Variants in CCSAP observed in about 807,000 individuals in gnomAD.
CCSAP encodes centriole, cilia and spindle associated protein.
Under a neutral mutation model 25.9 loss-of-function variants are expected in CCSAP, and 17 were observed. The observed-to-expected ratio is 0.66, with a 90% CI of 0.45 to 0.99. The LOEUF (loss-of-function observed/expected upper bound fraction) is 0.99. CCSAP is among the 50% of genes least tolerant of loss of function. The pLI, the probability that CCSAP is intolerant of heterozygous loss-of-function variation, is 0.00. For missense variants in CCSAP, 339 were observed against 367.8 expected, an observed-to-expected ratio of 0.92 and a Z score of 0.64; for synonymous variants, 169 against 157.1, an observed-to-expected ratio of 1.08 and a Z score of -0.57.
At chr1:229,337,743 G>A (rs1658230158) in intron 2 of CCSAP, among the ~76,000 whole-genome samples, 1 of 133,794 alleles carries the variant, frequency 7.5e-6, no homozygotes, top group Admixed American at 7.9e-5. Context: ...GTGTGTGCGT[G>A]TCTCCAAGGG....
intron 2 of CCSAP, among the ~76,000 whole-genome samples, chr1:229,334,324 G>A (rs773956636): frequency 1.6e-4 from 25 of 152,284 alleles, no homozygotes; most frequent in Non-Finnish European, 2.5e-4. Context: ...ATTTCCTTAC[G>A]TGGATACTAT....
At chr1:229,327,693 C>T (rs923282170) in intron 2 of CCSAP, 1 of 411,126 alleles carries the variant, frequency 2.4e-6, no homozygotes, top group African/African-American at 2.1e-5. Flanking sequence ...CATGGTGAAA[C>T]CCCGTCTCTA....
At chr1:229,332,539 A>G (rs1658094109) in intron 2 of CCSAP, among the ~76,000 whole-genome samples, 2 of 152,166 alleles carry the variant, frequency 1.3e-5, no homozygotes, top group Admixed American at 6.5e-5. Context: ...AATAGTTTAA[A>G]ATAAAGACTT....
At chr1:229,332,690 A>G (rs1251511632) in intron 2 of CCSAP, among the ~76,000 whole-genome samples, 2 of 152,174 alleles carry the variant, frequency 1.3e-5, no homozygotes, top group East Asian at 3.8e-4. Context: ...GCCATGAACC[A>G]CACGTGGTTA....
chr1:229,342,560 G>C lies in CCSAP; in HGVS notation c.-48-47C>G, dbSNP rs1407789831. On this transcript the variant is annotated intron_variant, in intron 1 of 3. Transcript: ENST00000284617. This position sits in a 1 kb window ranked among gnomAD's most constrained non-coding sequence, Gnocchi z 7.5. ...ACAGAGGCCGCCCCGCCCCTCCGCC[G>C]GCCCTGCCCGCCGCGACGTTTAAAC... 1.2e-6 allele frequency: 1 copy of C among 843,268 alleles called. No homozygotes were observed. 52.2% of individuals were successfully genotyped at this position (843,268 alleles called of 1,614,324 possible).
In CCSAP at chr1:229,327,082, AATC is replaced by A. The variant is rs767286055; in HGVS notation, c.368-79_368-77del. The A allele has an allele frequency of 1.7e-4, 216 of 1,237,880 alleles. 1 individual carries two copies. Among genetic ancestry groups the A allele is most frequent in the Non-Finnish European group, 2.3e-4 (213 of 911,478 alleles). 76.7% of individuals were successfully genotyped at this position (1,237,880 alleles called of 1,614,324 possible). A position where few individuals can be genotyped will look rare whatever the true frequency, so the allele number is the denominator to read the frequency against. On this transcript the variant is annotated intron_variant, in intron 2 of 3. Transcript: ENST00000284617. ...TATAATTAAAATATTTATGTTGAAA[AATC>A]ATAATGCTTAAGACAGTAACATTTT...
At position 229,324,945 on chromosome 1, in the gene CCSAP, C is replaced by T; in HGVS notation, c.*290G>A. The T allele has an allele frequency of 4.0e-6, 1 of 252,966 alleles. No individual in the cohort carries two copies. Among genetic ancestry groups the T allele is most frequent in the South Asian group, 6.8e-5 (1 of 14,634 alleles). 15.7% of individuals were successfully genotyped at this position (252,966 alleles called of 1,614,324 possible). A position where few individuals can be genotyped will look rare whatever the true frequency, so the allele number is the denominator to read the frequency against. ...ATTTAAAGGCATTTGGTGTCAGTAT[C>T]TTAAAAGATTAAGATGCTTTAAAAC... On this transcript the variant is annotated 3_prime_UTR_variant, in exon 4 of 4. Transcript: ENST00000284617.
At chr1:229,331,787 T>TTTATTATTATTATTATTATTA in intron 2 of CCSAP, among the ~76,000 whole-genome samples, 1 of 140,636 alleles carries the variant, frequency 7.1e-6, no homozygotes, top group East Asian at 2.1e-4. Context: ...CTAATATCCT[T>TTTATTATTATTATTATTATTA]TTATTATTAT....
intron 2 of CCSAP, among the ~76,000 whole-genome samples, chr1:229,333,307 C>T (rs189862073): frequency 2.0e-5 from 3 of 152,028 alleles, no homozygotes; most frequent in East Asian, 1.9e-4. Context: ...GTGTCAGGTG[C>T]CTGTAGTCCC....
At chr1:229,325,508 G>T in intron 3 of CCSAP, 97 bp from the exon 4 acceptor site, 1 of 1,111,788 alleles carries the variant, frequency 9.0e-7, no homozygotes. Context: ...CAGGTCAACT[G>T]CAGCAGGGCA....
At chr1:229,335,051 C>T (rs990347584) in intron 2 of CCSAP, among the ~76,000 whole-genome samples, 3 of 152,148 alleles carry the variant, frequency 2.0e-5, no homozygotes, top group African/African-American at 4.8e-5. Flanking sequence ...TGGTGGCTCA[C>T]GTCTATCATC....
intron 2 of CCSAP, 108 bp downstream of exon 2, chr1:229,341,991 G>A (rs1658343146): frequency 5.0e-6 from 6 of 1,195,586 alleles, no homozygotes; most frequent in East Asian, 3.2e-5. Flanking sequence ...AAAAAAAAAA[G>A]GAAGAGCCAG....
chr1:229,342,202 C>A lies in CCSAP; in HGVS notation c.264G>T (p.Ala88=). 1.6e-6 allele frequency: 2 copies of A among 1,260,920 alleles called. No homozygotes were observed. The highest frequency in any genetic ancestry group is 3.1e-5 in the South Asian group (1 of 32,322). 78.1% of individuals were successfully genotyped at this position (1,260,920 alleles called of 1,614,324 possible). ...PPSPPPPVEP[A]TQEEAERRAR... ...CCCGCCGTTCCGCCTCCTCCTGGGT[C>A]GCCGGCTCTACGGGCGGCGGGGGCG... The change falls in exon 2 of 4, where the codon GCG becomes GCT. Residue 88 remains alanine (A), a synonymous_variant. Transcript: ENST00000284617. The surrounding 1 kb of genome is among the most constrained non-coding windows in gnomAD (Gnocchi z 7.5).
intron 2 of CCSAP, among the ~76,000 whole-genome samples, chr1:229,330,997 A>C (rs1031241633): frequency 1.3e-5 from 2 of 152,126 alleles, no homozygotes; most frequent in Non-Finnish European, 2.9e-5. Flanking sequence ...AGGACTGAAC[A>C]GAGTGGAGCC....
intron 2 of CCSAP, among the ~76,000 whole-genome samples, chr1:229,327,982 G>A (rs1657987837): frequency 6.6e-6 from 1 of 152,174 alleles, no homozygotes; most frequent in Non-Finnish European, 1.5e-5. Context: ...TAAATTCTGG[G>A]GAACCCCCGG....
rs993495565 is a variant in CCSAP at position 229,327,117 on chromosome 1, T to C, written c.368-111A>G. 6.8e-6 allele frequency: 6 copies of C among 879,048 alleles called. No homozygotes were observed. The East Asian group carries it at 8.3e-5, about 12-fold the overall frequency. 54.5% of individuals were successfully genotyped at this position (879,048 alleles called of 1,614,324 possible). ...CTTAAGACAGTAACATTTTCACTTA[T>C]GGCTCAACTCATACGATCCACTTAA... On this transcript the variant is annotated intron_variant, in intron 2 of 3. Coordinates refer to ENST00000284617, the MANE Select transcript of CCSAP (RefSeq NM_145257.5).
Position 229,342,330 on chromosome 1 carries a change from G to T in CCSAP, c.136C>A (p.Pro46Thr). 1 of 1,500,092 alleles carries T rather than the reference G, an allele frequency of 6.7e-7. No homozygotes were observed. The highest frequency in any genetic ancestry group is 8.9e-7 in the Non-Finnish European group (1 of 1,126,988). The allele number at this position is 1,500,092 out of a possible 1,614,324, so 92.9% of individuals were successfully genotyped here. The change falls in exon 2 of 4, where the codon CCC (proline) becomes ACC (threonine). Residue 46 changes from proline to threonine, a missense_variant. Transcript: ENST00000284617. The surrounding 1 kb of genome is among the most constrained non-coding windows in gnomAD (Gnocchi z 7.5). Reference protein sequence around the residue: ...GRRLLEQAHAPWLWDDWGPAG... With the variant: ...GRRLLEQAHATWLWDDWGPAG... ...GGGCCCCAGTCGTCCCAGAGCCAGG[G>T]CGCGTGCGCCTGCTCCAGCAGCCGG...
rs917077355 is a variant in CCSAP, at chr1:229,325,167, G to A, written c.*68C>T. On this transcript the variant is annotated 3_prime_UTR_variant, in exon 4 of 4. Coordinates refer to ENST00000284617, the MANE Select transcript of CCSAP (RefSeq NM_145257.5). ...AAACCTGTGTCCGTTTCTTTTGATGGTTTTTGTTTTGTTTTTCCTTTCAGT... is the reference window on the plus strand; with the variant it reads ...AAACCTGTGTCCGTTTCTTTTGATGATTTTTGTTTTGTTTTTCCTTTCAGT... 2 of 1,445,314 alleles carry A rather than the reference G, an allele frequency of 1.4e-6. No homozygotes were observed. The highest frequency in any genetic ancestry group is 2.9e-5 in the African/African-American group (2 of 70,156). 89.5% of individuals were successfully genotyped at this position (1,445,314 alleles called of 1,614,324 possible). A position where few individuals can be genotyped will look rare whatever the true frequency, so the allele number is the denominator to read the frequency against.
chr1:229,334,078 T>G (rs75896998), intron 2 of CCSAP, among the ~76,000 whole-genome samples: 2,471 of 152,284 alleles, frequency 0.016, 53 homozygotes, highest in African/African-American at 0.056. Context: ...TTTTGTTTGT[T>G]TGTTTGTTTT....
Sources: gnomAD v4.1 joint callset for allele counts (sites outside exome capture counted in the v4.1 genomes callset) on GRCh38, gnomAD v4.1.1 for gene constraint, Gnocchi (gnomAD v3.1) non-coding constraint, MANE v1.5 for transcripts, NCBI Gene and HGNC (gene_info 2026-07-23, HGNC 2026-07-21) for gene names.